The following TP63 variants were observed in gnomAD, a reference collection of about 807,000 sequenced individuals.
TP63 encodes the protein tumor protein p63.
TP63 carries 17 observed loss-of-function variants against 82.8 expected under a neutral mutation model. The ratio of observed to expected loss-of-function variants is 0.21; its 90% CI spans 0.14 to 0.31. TP63 has a LOEUF of 0.31. Ranked by LOEUF, TP63 falls within the 10% of genes least tolerant of loss-of-function variation. The probability of loss-of-function intolerance (pLI) is 1.00; values close to 1 mark genes in which losing one functional copy is unlikely to be tolerated. For synonymous variants in TP63, 330 were observed against 321.7 expected, an observed-to-expected ratio of 1.03 and a Z score of -0.28; for missense variants, 648 against 895.3, an observed-to-expected ratio of 0.72 and a Z score of 3.52.
At chr3:189,765,433 C>CTTTTTTTCTTTTTTTTTTTTTTTTT (rs1722873151) in intron 3 of TP63, among the ~76,000 whole-genome samples, 1 of 30,088 alleles carries the variant, frequency 3.3e-5, no homozygotes. Context: ...CTGTCCTCTG[C>CTTTTTTTCTTTTTTTTTTTTTTTTT]TTTTTTTTTT....
At chr3:189,823,453 G>A (rs948372816) in intron 4 of TP63, among the ~76,000 whole-genome samples, 4 of 152,246 alleles carry the variant, frequency 2.6e-5, no homozygotes, top group South Asian at 2.1e-4. Flanking sequence ...AGAATGCCAC[G>A]GCATGCAGAC....
intron 11 of TP63, among the ~76,000 whole-genome samples, chr3:189,887,525 A>G (rs963293530): frequency 6.6e-6 from 1 of 152,182 alleles, no homozygotes; most frequent in Non-Finnish European, 1.5e-5. Flanking sequence ...GTGGATGATG[A>G]CTGGCATATA....
intron 4 of TP63, among the ~76,000 whole-genome samples, chr3:189,816,830 AATGATC>A (rs1728236856): frequency 6.6e-6 from 1 of 152,234 alleles, no homozygotes; most frequent in African/African-American, 2.4e-5. Context: ...GGTTTTTAGT[AATGATC>A]ATGACCTTAT....
At chr3:189,873,316 G>T (rs1560286514) in intron 10 of TP63, 4 of 398,490 alleles carry the variant, frequency 1.0e-5, no homozygotes, top group Non-Finnish European at 1.9e-5. Context: ...ACTCTATTTG[G>T]TAGTGATGTG....
chr3:189,877,578 A>G (rs1237591433), intron 10 of TP63, among the ~76,000 whole-genome samples: 1 of 152,206 alleles, frequency 6.6e-6, no homozygotes, highest in East Asian at 1.9e-4. Context: ...CAGATCTGTG[A>G]CATCCTGATG....
intron 3 of TP63, among the ~76,000 whole-genome samples, chr3:189,795,153 C>A (rs1305946738): frequency 6.6e-6 from 1 of 151,930 alleles, no homozygotes; most frequent in Admixed American, 6.6e-5. Context: ...CACTCCACCC[C>A]AAAATGAAAA....
At chr3:189,641,316 G>A (rs1401154303) in intron 1 of TP63, among the ~76,000 whole-genome samples, 38 of 152,070 alleles carry the variant, frequency 2.5e-4, no homozygotes, top group Non-Finnish European at 1.5e-5. Context: ...GGTAAAGGAA[G>A]ATCTTCGAAG....
chr3:189,659,450 T>C (rs1236083354), intron 1 of TP63, among the ~76,000 whole-genome samples: 1 of 152,078 alleles, frequency 6.6e-6, no homozygotes, highest in African/African-American at 2.4e-5. Flanking sequence ...CTTTATCTAA[T>C]CCACTATAAT....
chr3:189,701,475 A>G (rs1407174990), intron 1 of TP63, among the ~76,000 whole-genome samples: 2 of 150,380 alleles, frequency 1.3e-5, no homozygotes, highest in Non-Finnish European at 3.0e-5. Context: ...AGCTGGAGAT[A>G]AGGGTGTATG....
chr3:189,641,068 A>G (rs1711818357), intron 1 of TP63, among the ~76,000 whole-genome samples: 1 of 152,104 alleles, frequency 6.6e-6, no homozygotes, highest in Non-Finnish European at 1.5e-5. Flanking sequence ...AAATTCATAA[A>G]TTCTATTTGG....
chr3:189,743,918 G>T (rs1162759004), intron 3 of TP63, among the ~76,000 whole-genome samples: 1 of 152,090 alleles, frequency 6.6e-6, no homozygotes, highest in African/African-American at 2.4e-5. Context: ...ACCATCATGG[G>T]CCCTGAGACT....
chr3:189,699,188 C>CA (rs149751209), intron 1 of TP63, among the ~76,000 whole-genome samples: 8,052 of 152,210 alleles, frequency 0.053, 253 homozygotes, highest in African/African-American at 0.071. Context: ...TTTTAACACT[C>CA]ACAGTAACCC....
intron 3 of TP63, among the ~76,000 whole-genome samples, chr3:189,796,450 C>A (rs144951412): frequency 2.6e-5 from 4 of 151,840 alleles, no homozygotes; most frequent in Non-Finnish European, 5.9e-5. Flanking sequence ...AAGGAGTGAA[C>A]CAGTGACTTG....
chr3:189,641,622 G>T (rs939215639), intron 1 of TP63, among the ~76,000 whole-genome samples: 2 of 152,032 alleles, frequency 1.3e-5, no homozygotes, highest in African/African-American at 4.8e-5. Context: ...GTAAGTGACT[G>T]CATCAGTATC....
At chr3:189,672,660 GGAAA>G (rs1370900969) in intron 1 of TP63, among the ~76,000 whole-genome samples, 91 of 103,420 alleles carry the variant, frequency 8.8e-4, no homozygotes, top group Middle Eastern at 4.3e-3. Flanking sequence ...GAGGAAGGAA[GGAAA>G]GAAGGAAGGA....
At chr3:189,711,870 ATAGG>A (rs1718620779) in intron 1 of TP63, among the ~76,000 whole-genome samples, 1 of 152,116 alleles carries the variant, frequency 6.6e-6, no homozygotes, top group African/African-American at 2.4e-5. Context: ...TAAGGCGGAG[ATAGG>A]TAGGCTGATG....
At chr3:189,691,852 AC>A (rs1387944601) in intron 1 of TP63, among the ~76,000 whole-genome samples, 2 of 152,184 alleles carry the variant, frequency 1.3e-5, no homozygotes, top group East Asian at 3.8e-4. Context: ...AAACTAAGTG[AC>A]TAATAGAAAC....
At chr3:189,681,622 C>T (rs1715911161) in intron 1 of TP63, among the ~76,000 whole-genome samples, 1 of 152,170 alleles carries the variant, frequency 6.6e-6, no homozygotes, top group Non-Finnish European at 1.5e-5. Context: ...CTGTTAATAA[C>T]TCTTCTTCTT....
intron 3 of TP63, among the ~76,000 whole-genome samples, chr3:189,795,677 C>G (rs571637004): frequency 1.8e-4 from 27 of 152,074 alleles, no homozygotes; most frequent in African/African-American, 5.1e-4. Flanking sequence ...CAAAATGGAA[C>G]GCTTTTGTAG....
Sources: gnomAD v4.1 joint callset for allele counts (sites outside exome capture counted in the v4.1 genomes callset) on GRCh38, gnomAD v4.1.1 for gene constraint, MANE v1.5 for transcripts, NCBI Gene and HGNC (gene_info 2026-07-23, HGNC 2026-07-21) for gene names.